INPP4B: variants seen among roughly 807,000 people sequenced by gnomAD.
INPP4B encodes inositol polyphosphate 4-phosphatase type II.
In INPP4B, 55 loss-of-function variants were observed where a neutral mutation model predicts 122.5. That is an observed-to-expected ratio of 0.45 (90% CI 0.36 to 0.56). INPP4B has a LOEUF of 0.56. INPP4B is among the 20% of genes least tolerant of loss of function. The pLI is 0.00. For missense variants in INPP4B, 1,000 were observed against 1,097.7 expected (o/e 0.91, Z 1.26); for synonymous variants, 403 against 388.7 (o/e 1.04, Z -0.43).
chr4:142,627,723 TTG>T (rs1467136901), intron 2 of INPP4B, among the ~76,000 whole-genome samples: 1 of 151,722 alleles, frequency 6.6e-6, no homozygotes, highest in Non-Finnish European at 1.5e-5. Flanking sequence ...TCTTTTTTGG[TTG>T]TGTCTCTGCC....
At chr4:142,469,050 G>A (rs180694115) in intron 2 of INPP4B, among the ~76,000 whole-genome samples, 1 of 151,882 alleles carries the variant, frequency 6.6e-6, no homozygotes, top group Admixed American at 6.6e-5. Context: ...TTGTTGCTCA[G>A]TTTCCATCCC....
At chr4:142,188,184 C>T (rs71608471) in intron 15 of INPP4B, among the ~76,000 whole-genome samples, 1 of 151,704 alleles carries the variant, frequency 6.6e-6, no homozygotes, top group South Asian at 2.1e-4. Flanking sequence ...CAAAGTATTT[C>T]TACTTAAAAT....
chr4:142,111,837 G>A (rs570090378), intron 22 of INPP4B, among the ~76,000 whole-genome samples: 195 of 151,984 alleles, frequency 1.3e-3, no homozygotes, highest in Non-Finnish European at 2.0e-3. Context: ...TCCATCTCCC[G>A]AGTTCAAAAA....
At chr4:142,722,950 T>C (rs1407690156) in intron 2 of INPP4B, among the ~76,000 whole-genome samples, 1 of 152,134 alleles carries the variant, frequency 6.6e-6, no homozygotes. Flanking sequence ...GAAAATATAA[T>C]CTGTAATAAA....
intron 23 of INPP4B, among the ~76,000 whole-genome samples, chr4:142,088,293 C>A (rs1777804602): frequency 6.6e-6 from 1 of 152,090 alleles, no homozygotes; most frequent in Non-Finnish European, 1.5e-5. Context: ...TCATGGCATG[C>A]AAGAAATAAG....
chr4:142,033,740 C>T (rs1159908383), intron 25 of INPP4B, among the ~76,000 whole-genome samples: 3 of 147,274 alleles, frequency 2.0e-5, no homozygotes, highest in African/African-American at 7.6e-5. Context: ...TCATGGCCTA[C>T]TGCAGCTTCT....
chr4:142,326,883 A>T (rs553683292), intron 7 of INPP4B, among the ~76,000 whole-genome samples: 24 of 152,254 alleles, frequency 1.6e-4, no homozygotes, highest in Non-Finnish European at 3.1e-4. Flanking sequence ...CAGATGAGAA[A>T]ACTGGGTTTC....
intron 7 of INPP4B, among the ~76,000 whole-genome samples, chr4:142,362,948 T>A (rs1036418690): frequency 1.2e-4 from 18 of 152,070 alleles, no homozygotes; most frequent in Middle Eastern, 3.4e-3. Flanking sequence ...ATGCAATATA[T>A]CCTTGTAAGA....
intron 2 of INPP4B, among the ~76,000 whole-genome samples, chr4:142,537,429 TAG>T (rs1157643466): frequency 0.02 from 497 of 25,358 alleles, 7 homozygotes; most frequent in Middle Eastern, 0.083. Context: ...TATATATATA[TAG>T]AGAGAGAGAG....
chr4:142,817,365 C>T (rs937326809), intron 1 of INPP4B, among the ~76,000 whole-genome samples: 2 of 152,144 alleles, frequency 1.3e-5, no homozygotes, highest in African/African-American at 4.8e-5. Flanking sequence ...GAGTTTCCAT[C>T]AGACAAGTGA....
intron 2 of INPP4B, among the ~76,000 whole-genome samples, chr4:142,498,505 T>C (rs952535280): frequency 6.6e-6 from 1 of 151,980 alleles, no homozygotes; most frequent in Non-Finnish European, 1.5e-5. Context: ...GGAGCTAATT[T>C]AGGCCAGGTG....
chr4:142,285,258 G>T (rs1752999962), intron 9 of INPP4B, among the ~76,000 whole-genome samples: 1 of 151,992 alleles, frequency 6.6e-6, no homozygotes, highest in Admixed American at 6.6e-5. Context: ...TAAGAAAAGG[G>T]CACCCCTGTG....
intron 12 of INPP4B, among the ~76,000 whole-genome samples, chr4:142,211,337 G>A (rs1232941715): frequency 6.6e-6 from 1 of 152,100 alleles, no homozygotes; most frequent in Non-Finnish European, 1.5e-5. Context: ...AGATAACTTG[G>A]TTCATGAAAA....
intron 14 of INPP4B, among the ~76,000 whole-genome samples, chr4:142,203,978 T>A (rs1192645022): frequency 1.3e-5 from 2 of 152,042 alleles, no homozygotes; most frequent in Non-Finnish European, 2.9e-5. Flanking sequence ...TTAAATAAAT[T>A]TAACTGCAAT....
chr4:142,602,519 A>G (rs1360119256), intron 2 of INPP4B, among the ~76,000 whole-genome samples: 2 of 152,200 alleles, frequency 1.3e-5, no homozygotes, highest in Admixed American at 6.5e-5. Flanking sequence ...AATTTACAAG[A>G]AAAACAAACA....
At chr4:142,624,819 G>A (rs1560882236) in intron 2 of INPP4B, among the ~76,000 whole-genome samples, 2 of 152,262 alleles carry the variant, frequency 1.3e-5, no homozygotes, top group African/African-American at 2.4e-5. Context: ...ATGCAAGGCT[G>A]GTTCAATATA....
intron 2 of INPP4B, among the ~76,000 whole-genome samples, chr4:142,571,695 G>T (rs1732863356): frequency 6.6e-6 from 1 of 152,040 alleles, no homozygotes; most frequent in Non-Finnish European, 1.5e-5. Context: ...AGTAAGTTTT[G>T]CTAACAATTA....
chr4:142,631,701 A>T (rs1337064874), intron 2 of INPP4B, among the ~76,000 whole-genome samples: 2 of 152,142 alleles, frequency 1.3e-5, no homozygotes, highest in Non-Finnish European at 2.9e-5. Flanking sequence ...AAAAGAGAGG[A>T]TTAACTTCAA....
intron 2 of INPP4B, among the ~76,000 whole-genome samples, chr4:142,677,858 A>G (rs1758043470): frequency 6.6e-6 from 1 of 151,930 alleles, no homozygotes; most frequent in African/African-American, 2.4e-5. Context: ...AGGGGCTAGG[A>G]GAGGGATAGC....
Sources: gnomAD v4.1 joint callset for allele counts (sites outside exome capture counted in the v4.1 genomes callset) on GRCh38, gnomAD v4.1.1 for gene constraint, MANE v1.5 for transcripts, NCBI Gene and HGNC (gene_info 2026-07-23, HGNC 2026-07-21) for gene names.